Variants in ZNF653 observed in about 807,000 individuals in gnomAD.
ZNF653 encodes 67 kDa zinc finger protein.
Under a neutral mutation model 59.9 loss-of-function variants are expected in ZNF653, and 37 were observed. The observed-to-expected ratio is 0.62, with a 90% CI of 0.48 to 0.81. The LOEUF (loss-of-function observed/expected upper bound fraction) is 0.81. Ranked by LOEUF, ZNF653 falls within the 40% of genes least tolerant of loss-of-function variation. ZNF653 has a pLI of 0.00. For missense variants in ZNF653, 808 were observed against 881.1 expected (o/e 0.92, Z 1.05); for synonymous variants, 435 against 371.8 (o/e 1.17, Z -1.96).
Position 11,498,341 on chromosome 19 carries a change from T to C in ZNF653, c.300-2A>G. ...TTGGGGACCTGCTCCCAAGGCTTCC[T>C]GCAACAGAAAGAGGCAGAGAGGGTG... On this transcript the variant is annotated splice_acceptor_variant, in intron 1 of 8. Coordinates refer to ENST00000293771, the MANE Select transcript of ZNF653 (RefSeq NM_138783.4). LOFTEE classifies it high-confidence loss of function. 2 of 1,614,040 alleles carry C rather than the reference T, an allele frequency of 1.2e-6. No homozygotes were observed. Among genetic ancestry groups the C allele is most frequent in the Non-Finnish European group, 1.7e-6 (2 of 1,179,914 alleles).
chr19:11,505,317 C>T (rs1971701129), intron 1 of ZNF653, 171 bp downstream of exon 1: 4 of 638,240 alleles, frequency 6.3e-6, no homozygotes, highest in Non-Finnish European at 9.6e-6. Context: ...GGCGGGGCCA[C>T]GAGCCAGGCG....
At chr19:11,490,588 TC>T (rs1232291418) in intron 3 of ZNF653, among the ~76,000 whole-genome samples, 1 of 152,050 alleles carries the variant, frequency 6.6e-6, no homozygotes, top group Non-Finnish European at 1.5e-5. Flanking sequence ...AGATGGGTTT[TC>T]ATCATGTTGG....
chr19:11,504,684 G>A (rs758397764), intron 1 of ZNF653: 140 of 497,204 alleles, frequency 2.8e-4, no homozygotes, highest in Non-Finnish European at 3.4e-4. Context: ...TTTCCTTGCG[G>A]CACTGCTTGT....
chr19:11,504,510 G>C, intron 1 of ZNF653: 1 of 985,362 alleles, frequency 1.0e-6, no homozygotes, highest in Non-Finnish European at 1.2e-6. Flanking sequence ...GTATCTTTGC[G>C]CTCCCAGCAT....
chr19:11,499,738 C>T (rs2144949969), intron 1 of ZNF653, among the ~76,000 whole-genome samples: 1 of 151,954 alleles, frequency 6.6e-6, no homozygotes, highest in South Asian at 2.1e-4. Flanking sequence ...ACAGTGAAAC[C>T]CCATCTCCAC....
chr19:11,504,392 C>T, intron 1 of ZNF653: 1 of 393,618 alleles, frequency 2.5e-6, no homozygotes, highest in South Asian at 1.1e-4. Flanking sequence ...CAGAGCAAGA[C>T]TCTGTCTCAA....
intron 2 of ZNF653, among the ~76,000 whole-genome samples, chr19:11,496,980 G>A (rs1971595382): frequency 6.6e-6 from 1 of 152,170 alleles, no homozygotes; most frequent in Admixed American, 6.5e-5. Flanking sequence ...TGGCCTCCTC[G>A]CTGTTCCTGG....
chr19:11,487,370 AG>A lies in ZNF653; in HGVS notation c.1092del (p.Tyr365ThrfsTer19). The A allele has an allele frequency of 6.2e-7, 1 of 1,612,966 alleles. No individual in the cohort carries two copies. The highest frequency in any genetic ancestry group is 8.5e-7 in the Non-Finnish European group (1 of 1,179,880). On this transcript the variant is annotated frameshift_variant, in exon 4 of 9. Transcript: ENST00000293771. LOFTEE classifies it high-confidence loss of function. This position sits in a 1 kb window ranked among gnomAD's most constrained non-coding sequence, Gnocchi z 5.1. ...VPCAMMEGVA[A>X]YTQTEPEGSQ... The stretch of plus-strand genomic sequence containing the variant: ...CTACCCTCGGGCTCTGTCTGGGTGT[AG>A]GCTGCCACACCCTCCATCATGGCAC...
intron 2 of ZNF653, among the ~76,000 whole-genome samples, chr19:11,496,753 G>T (rs1971593264): frequency 6.6e-6 from 1 of 152,200 alleles, no homozygotes; most frequent in African/African-American, 2.4e-5. Flanking sequence ...TTTTGTCCCA[G>T]CTACTTGGGA....
At chr19:11,503,047 G>T (rs1599569845) in intron 1 of ZNF653, among the ~76,000 whole-genome samples, 3 of 151,108 alleles carry the variant, frequency 2.0e-5, no homozygotes, top group Non-Finnish European at 1.5e-5. Flanking sequence ...AAAAAAAAAG[G>T]TGGGGGGGGC....
rs540594015 is a variant in ZNF653 at position 11,498,751 on chromosome 19, T to C, written c.300-412A>G. 7.3e-5 allele frequency among the ~76,000 whole-genome samples: 11 copies of C among 149,866 alleles called. No homozygotes were observed. The South Asian group carries it at 2.3e-3, about 32-fold the overall frequency. On this transcript the variant is annotated intron_variant, in intron 1 of 8. Transcript: ENST00000293771. The stretch of plus-strand genomic sequence containing the variant: ...GAGCCGCCACGCCTGCCCTGAACTT[T>C]TTTTTCTTTTTGAGACAATGTCTGT...
intron 2 of ZNF653, among the ~76,000 whole-genome samples, chr19:11,497,362 C>T (rs762324785): frequency 4.6e-5 from 7 of 152,200 alleles, no homozygotes; most frequent in Non-Finnish European, 8.8e-5. Context: ...GCATAGCGGG[C>T]GGGCATGGTG....
chr19:11,492,210 C>A (rs1971536938), intron 3 of ZNF653, among the ~76,000 whole-genome samples: 1 of 152,048 alleles, frequency 6.6e-6, no homozygotes, highest in Admixed American at 6.6e-5. Context: ...CCATGCCCCG[C>A]CAATTTTTAT....
intron 8 of ZNF653, 73 bp from the exon 9 acceptor site, chr19:11,483,932 C>G: frequency 2.0e-6 from 3 of 1,517,294 alleles, no homozygotes; most frequent in South Asian, 1.2e-5. Flanking sequence ...CAAGGCCGAG[C>G]GCAGGTGGAA....
intron 2 of ZNF653, among the ~76,000 whole-genome samples, chr19:11,497,051 A>G (rs1267269534): frequency 6.6e-6 from 1 of 152,118 alleles, no homozygotes; most frequent in East Asian, 1.9e-4. Context: ...CTTCCTCTAG[A>G]TAACTGTCTT....
At chr19:11,502,333 C>A (rs1971655590) in intron 1 of ZNF653, among the ~76,000 whole-genome samples, 1 of 148,204 alleles carries the variant, frequency 6.7e-6, no homozygotes, top group African/African-American at 2.5e-5. Context: ...CTCAAGAGAT[C>A]CACCTGCCTT....
At chr19:11,498,362 G>A (rs1471731048) in intron 1 of ZNF653, 23 bp from the exon 2 acceptor site, 4 of 1,613,896 alleles carry the variant, frequency 2.5e-6, no homozygotes, top group African/African-American at 2.7e-5. Context: ...GAGGCAGAGA[G>A]GGTGAACGGG....
At chr19:11,488,847 C>T (rs572298504) in intron 3 of ZNF653, among the ~76,000 whole-genome samples, 22 of 151,996 alleles carry the variant, frequency 1.4e-4, no homozygotes, top group African/African-American at 3.6e-4. Context: ...CCGCCCACCT[C>T]GGCCTCCGAA....
rs1397638953 is a variant in ZNF653 at position 11,495,633 on chromosome 19, C to A, written c.559+317G>T. 1 of 395,506 alleles carries A rather than the reference C, an allele frequency of 2.5e-6. No individual in the cohort carries two copies. The highest frequency in any genetic ancestry group is 2.4e-5 in the South Asian group (1 of 40,824). 24.5% of individuals were successfully genotyped at this position (395,506 alleles called of 1,614,324 possible). A position where few individuals can be genotyped will look rare whatever the true frequency, so the allele number is the denominator to read the frequency against. On this transcript the variant is annotated intron_variant, in intron 3 of 8. Transcript: ENST00000293771. The surrounding 1 kb of genome is among the most constrained non-coding windows in gnomAD (Gnocchi z 4.9). ...CTGTGGGGGCCGAGCCCTGCCCCAG[C>A]AGGCCTGCCCCCGCCCCAGCTGCCA...
Sources: gnomAD v4.1 joint callset for allele counts (sites outside exome capture counted in the v4.1 genomes callset) on GRCh38, gnomAD v4.1.1 for gene constraint, Gnocchi (gnomAD v3.1) non-coding constraint, MANE v1.5 for transcripts, NCBI Gene and HGNC (gene_info 2026-07-23, HGNC 2026-07-21) for gene names.